PHACTR4: variants seen among roughly 807,000 people sequenced by gnomAD.
PHACTR4 encodes the protein protein phosphatase 1, regulatory subunit 124.
PHACTR4 carries 51 observed loss-of-function variants against 72.7 expected under a neutral mutation model. The observed-to-expected ratio is 0.70, with a 90% CI of 0.56 to 0.89. PHACTR4 has a LOEUF of 0.89. Ranked by LOEUF, PHACTR4 falls within the 40% of genes least tolerant of loss-of-function variation. The pLI, the probability that PHACTR4 is intolerant of heterozygous loss-of-function variation, is 0.00. For synonymous variants in PHACTR4, 255 were observed against 302.5 expected (o/e 0.84, Z 1.63); for missense variants, 731 against 861.8 (o/e 0.85, Z 1.90).
chr1:28,432,114 C>G (rs572911028), intron 2 of PHACTR4, among the ~76,000 whole-genome samples: 1 of 152,106 alleles, frequency 6.6e-6, no homozygotes, highest in East Asian at 1.9e-4. Flanking sequence ...GAGGGTGAGG[C>G]AGGAGAATCA....
intron 1 of PHACTR4, among the ~76,000 whole-genome samples, chr1:28,372,548 G>T (rs959903276): frequency 6.6e-6 from 1 of 152,028 alleles, no homozygotes; most frequent in Non-Finnish European, 1.5e-5. Flanking sequence ...CCACAGAATT[G>T]CTCTAGTTTT....
intron 9 of PHACTR4, among the ~76,000 whole-genome samples, chr1:28,484,738 C>T (rs1203531080): frequency 1.3e-5 from 2 of 151,318 alleles, no homozygotes; most frequent in African/African-American, 4.9e-5. Flanking sequence ...GAGGCCGAGG[C>T]GGGTGGATCA....
chr1:28,400,876 G>A (rs1489901196), intron 1 of PHACTR4, among the ~76,000 whole-genome samples: 3 of 152,208 alleles, frequency 2.0e-5, no homozygotes, highest in South Asian at 4.1e-4. Context: ...CACCACGCCC[G>A]GCCTGAGTGA....
chr1:28,496,675 G>T lies in PHACTR4; in HGVS notation c.*126G>T. On this transcript the variant is annotated 3_prime_UTR_variant, in exon 14 of 14. Coordinates refer to ENST00000373839, the MANE Select transcript of PHACTR4 (RefSeq NM_001048183.3). Reference sequence around the variant, plus strand: ...TGCATCCTCTGGGATCTTCTGAGGTGGACAGCACTTTGAATGTAGCATTTC... The same window carrying T: ...TGCATCCTCTGGGATCTTCTGAGGTTGACAGCACTTTGAATGTAGCATTTC... 9.1e-7 allele frequency: 1 copy of T among 1,102,456 alleles called. No individual in the cohort carries two copies. The highest frequency in any genetic ancestry group is 2.4e-5 in the East Asian group (1 of 42,334). 68.3% of individuals were successfully genotyped at this position (1,102,456 alleles called of 1,614,324 possible).
At chr1:28,482,060 G>A (rs1293092794) in intron 9 of PHACTR4, among the ~76,000 whole-genome samples, 1 of 151,850 alleles carries the variant, frequency 6.6e-6, no homozygotes, top group Non-Finnish European at 1.5e-5. Context: ...ACCACACCTG[G>A]CTAATTTTTG....
At chr1:28,450,310 T>C in intron 2 of PHACTR4, among the ~76,000 whole-genome samples, 1 of 149,628 alleles carries the variant, frequency 6.7e-6, no homozygotes, top group South Asian at 2.1e-4. Flanking sequence ...TTTTCACTCA[T>C]AGAAAACAGA....
chr1:28,471,944 G>C (rs1659584181), intron 6 of PHACTR4, among the ~76,000 whole-genome samples: 1 of 152,042 alleles, frequency 6.6e-6, no homozygotes, highest in Non-Finnish European at 1.5e-5. Context: ...GGGCGCGGTG[G>C]CTCACGACTG....
intron 2 of PHACTR4, among the ~76,000 whole-genome samples, chr1:28,447,294 G>C (rs1462950660): frequency 1.3e-5 from 2 of 152,058 alleles, no homozygotes. Flanking sequence ...TTACAGGTGT[G>C]AGCCACTGTA....
At position 28,487,724 on chromosome 1, in the gene PHACTR4, G is replaced by GTTTT. The variant is rs1054105118; in HGVS notation, c.1761-1444_1761-1443insTTTT. On this transcript the variant is annotated intron_variant, in intron 9 of 13. Coordinates refer to ENST00000373839, the MANE Select transcript of PHACTR4 (RefSeq NM_001048183.3). ...CAAAAATGACAAATTGTAGTTTTTT[G>GTTTT]TTGTTTTTTTTTTTTTTTTTTTTTT... is the stretch of plus-strand genomic sequence containing the variant. 1.3e-3 allele frequency among the ~76,000 whole-genome samples: 94 copies of GTTTT among 71,468 alleles called. 9 individuals are homozygous for GTTTT. Among genetic ancestry groups the GTTTT allele is most frequent in the Middle Eastern group, 7.1e-3 (1 of 140 alleles). The allele number at this position is 71,468 out of a possible 152,430, so 46.9% of individuals were successfully genotyped here.
At chr1:28,395,332 T>C (rs1179636264) in intron 1 of PHACTR4, among the ~76,000 whole-genome samples, 1 of 152,212 alleles carries the variant, frequency 6.6e-6, no homozygotes, top group African/African-American at 2.4e-5. Context: ...TCAGTGATGA[T>C]GATGAATTGC....
At chr1:28,380,972 C>A (rs1342951630) in intron 1 of PHACTR4, among the ~76,000 whole-genome samples, 4 of 151,460 alleles carry the variant, frequency 2.6e-5, no homozygotes, top group Non-Finnish European at 5.9e-5. Context: ...ATAAGCATTT[C>A]TTTTTCTCCA....
At chr1:28,398,885 G>A (rs1411614256) in intron 1 of PHACTR4, among the ~76,000 whole-genome samples, 1 of 152,068 alleles carries the variant, frequency 6.6e-6, no homozygotes, top group Non-Finnish European at 1.5e-5. Context: ...TGAGGCAATA[G>A]TTTTATCAGA....
chr1:28,453,938 AG>A, intron 2 of PHACTR4: 1 of 678,998 alleles, frequency 1.5e-6, no homozygotes, highest in Admixed American at 1.9e-5. Context: ...GAACACGGCC[AG>A]GCACGGTGGC....
intron 1 of PHACTR4, among the ~76,000 whole-genome samples, chr1:28,406,230 T>C (rs1259019640): frequency 6.6e-6 from 1 of 152,228 alleles, no homozygotes; most frequent in Non-Finnish European, 1.5e-5. Context: ...TGTATTATTC[T>C]AGTTTATCAT....
chr1:28,480,104 CAGAT>C (rs1473885235), intron 8 of PHACTR4, among the ~76,000 whole-genome samples: 7 of 152,220 alleles, frequency 4.6e-5, no homozygotes, highest in African/African-American at 1.4e-4. Flanking sequence ...GCTTTAAAAA[CAGAT>C]AGACTATGAG....
At chr1:28,371,485 A>G (rs1370389448) in intron 1 of PHACTR4, among the ~76,000 whole-genome samples, 5 of 152,036 alleles carry the variant, frequency 3.3e-5, no homozygotes, top group Admixed American at 3.3e-4. Context: ...GGTAGAAACA[A>G]GGTTTCACCA....
intron 2 of PHACTR4, among the ~76,000 whole-genome samples, chr1:28,431,410 GTCTTGATC>G (rs1186974163): frequency 6.7e-6 from 1 of 149,530 alleles, no homozygotes; most frequent in African/African-American, 2.4e-5. Flanking sequence ...AGCCAGGATG[GTCTTGATC>G]TCTTGACCTC....
At position 28,393,770 on chromosome 1, in the gene PHACTR4, A is replaced by G. The variant is rs377157187; in HGVS notation, c.-38-13640A>G. Among the ~76,000 whole-genome samples, 117 of 152,148 alleles carry G rather than the reference A, an allele frequency of 7.7e-4. 2 individuals carry two copies. In the East Asian group the frequency reaches 0.014, roughly 19 times the overall value. Reference sequence around the variant, plus strand: ...GCCCAGGCTGGAGTGCAATGGCACAATTAGGGCTCACTGCAGCCTTGACCT... The same window carrying G: ...GCCCAGGCTGGAGTGCAATGGCACAGTTAGGGCTCACTGCAGCCTTGACCT... On this transcript the variant is annotated intron_variant, in intron 1 of 13. Coordinates refer to ENST00000373839, the MANE Select transcript of PHACTR4 (RefSeq NM_001048183.3).
At chr1:28,469,526 A>G (rs1027999982) in intron 6 of PHACTR4, among the ~76,000 whole-genome samples, 3 of 152,198 alleles carry the variant, frequency 2.0e-5, no homozygotes, top group Admixed American at 1.3e-4. Context: ...CTTAACATAT[A>G]TGCCTTCCTC....
Sources: allele counts gnomAD v4.1 joint callset (sites outside exome capture counted in the v4.1 genomes callset), GRCh38; gene constraint gnomAD v4.1.1; transcripts MANE v1.5; gene names NCBI Gene and HGNC (gene_info 2026-07-23, HGNC 2026-07-21).